GNG2: variants seen among roughly 807,000 people sequenced by gnomAD.
GNG2 encodes guanine nucleotide-binding protein G(I)/G(S)/G(O) subunit gamma-2.
A neutral mutation model predicts 5.5 loss-of-function variants in GNG2; 5 were observed. That is an observed-to-expected ratio of 0.91 (90% CI 0.48 to 1.92). The LOEUF (loss-of-function observed/expected upper bound fraction) is 1.92, where lower values mean the gene tolerates loss of function less well. GNG2 is among the 30% of genes most tolerant of loss of function. GNG2 has a pLI of 0.01. For missense variants in GNG2, 55 were observed against 88.4 expected (o/e 0.62, Z 1.52); for synonymous variants, 28 against 32.0 (o/e 0.88, Z 0.42).
At chr14:51,892,484 A>C (rs1389807325) in intron 2 of GNG2, among the ~76,000 whole-genome samples, 1 of 152,046 alleles carries the variant, frequency 6.6e-6, no homozygotes, top group Non-Finnish European at 1.5e-5. Flanking sequence ...AATTTTTTAT[A>C]GAGACGGTTT....
At chr14:51,863,704 TC>T (rs1000082809) in intron 1 of GNG2, among the ~76,000 whole-genome samples, 122 of 152,294 alleles carry the variant, frequency 8.0e-4, no homozygotes, top group African/African-American at 2.6e-3. Flanking sequence ...TTCTCTCAGC[TC>T]CTGGAAACCC....
intron 1 of GNG2, among the ~76,000 whole-genome samples, chr14:51,873,451 C>A (rs988016519): frequency 1.3e-5 from 2 of 152,204 alleles, no homozygotes; most frequent in Non-Finnish European, 2.9e-5. Context: ...TTGCCTACTG[C>A]AGGAGAGAGT....
At chr14:51,923,172 G>A (rs1185779003) in intron 2 of GNG2, among the ~76,000 whole-genome samples, 1 of 152,168 alleles carries the variant, frequency 6.6e-6, no homozygotes, top group African/African-American at 2.4e-5. Flanking sequence ...GTTGTGGACT[G>A]GCGAATTGCT....
At chr14:51,875,042 GTTAA>G (rs1883565590) in intron 1 of GNG2, among the ~76,000 whole-genome samples, 1 of 152,172 alleles carries the variant, frequency 6.6e-6, no homozygotes, top group Admixed American at 6.5e-5. Flanking sequence ...GGCTCCATCT[GTTAA>G]TTAAATTGTT....
intron 2 of GNG2, among the ~76,000 whole-genome samples, chr14:51,838,460 GT>G (rs1881401046): frequency 1.3e-5 from 2 of 151,878 alleles, no homozygotes; most frequent in Admixed American, 6.6e-5. Flanking sequence ...AAAAGGGGGG[GT>G]TATTAATCCC....
intron 2 of GNG2, among the ~76,000 whole-genome samples, chr14:51,852,282 C>G (rs1459498223): frequency 6.6e-6 from 1 of 152,174 alleles, no homozygotes; most frequent in African/African-American, 2.4e-5. Context: ...AGAAACTTGA[C>G]TTATCTTCCT....
chr14:51,863,386 T>A (rs1266467810), intron 1 of GNG2, among the ~76,000 whole-genome samples: 4 of 152,218 alleles, frequency 2.6e-5, no homozygotes, highest in Non-Finnish European at 5.9e-5. Context: ...TGCTTTTGTG[T>A]GCGGATAAGT....
chr14:51,898,105 T>C (rs1354833091), intron 2 of GNG2, among the ~76,000 whole-genome samples: 2 of 152,210 alleles, frequency 1.3e-5, no homozygotes, highest in African/African-American at 4.8e-5. Flanking sequence ...TGGTTACATA[T>C]GTTAGAGAAC....
chr14:51,888,091 A>G (rs976638831), intron 2 of GNG2, among the ~76,000 whole-genome samples: 1 of 152,178 alleles, frequency 6.6e-6, no homozygotes, highest in African/African-American at 2.4e-5. Context: ...CATCATCACC[A>G]ACAAGATAAT....
At chr14:51,933,041 T>C (rs781591685) in intron 2 of GNG2, among the ~76,000 whole-genome samples, 13 of 152,124 alleles carry the variant, frequency 8.5e-5, no homozygotes, top group Non-Finnish European at 1.6e-4. Context: ...CCAGTAGCCA[T>C]CAGAAGCTGG....
intron 3 of GNG2, among the ~76,000 whole-genome samples, chr14:51,961,885 A>C (rs1235945739): frequency 6.6e-6 from 1 of 152,226 alleles, no homozygotes; most frequent in Non-Finnish European, 1.5e-5. Flanking sequence ...CAATACCCAC[A>C]GGCTGTTTTA....
At chr14:51,910,140 A>C (rs1623101) in intron 2 of GNG2, among the ~76,000 whole-genome samples, 59,243 of 151,734 alleles carry the variant, frequency 0.39, 12,599 homozygotes, top group East Asian at 0.69. Context: ...ATATAATCAC[A>C]AATATAGATT....
chr14:51,932,833 T>C (rs2140247975), intron 2 of GNG2, among the ~76,000 whole-genome samples: 1 of 152,048 alleles, frequency 6.6e-6, no homozygotes, highest in Middle Eastern at 3.4e-3. Flanking sequence ...AAAAAGGATG[T>C]TTGCAGATGT....
intron 2 of GNG2, among the ~76,000 whole-genome samples, chr14:51,933,094 G>A (rs1305755589): frequency 6.6e-6 from 1 of 152,212 alleles, no homozygotes; most frequent in Non-Finnish European, 1.5e-5. Context: ...TCTGGCAGGA[G>A]CATGGCTCTG....
chr14:51,955,862 T>C (rs1393645318), intron 3 of GNG2, among the ~76,000 whole-genome samples: 1 of 152,186 alleles, frequency 6.6e-6, no homozygotes, highest in Non-Finnish European at 1.5e-5. Context: ...ATGTATAAAT[T>C]AGTGAGCCAA....
chr14:51,962,901 A>G (rs1253658), intron 3 of GNG2, among the ~76,000 whole-genome samples: 140,885 of 152,254 alleles, frequency 0.93, 65,678 homozygotes, highest in Non-Finnish European at 0.98. Context: ...AATGTTCATG[A>G]AGATTAAGTC....
At chr14:51,957,011 A>G (rs1253637) in intron 3 of GNG2, among the ~76,000 whole-genome samples, 140,828 of 148,194 alleles carry the variant, frequency 0.95, 66,912 homozygotes, top group Non-Finnish European at 0.98. Context: ...CACCTGCCCC[A>G]CCCCGCCACC....
intron 2 of GNG2, among the ~76,000 whole-genome samples, chr14:51,892,490 G>A (rs952668876): frequency 7.9e-5 from 12 of 151,872 alleles, no homozygotes; most frequent in Non-Finnish European, 1.8e-4. Context: ...TTATAGAGAC[G>A]GTTTTGCCAT....
chr14:51,828,467 G>GA (rs1485155518), intron 2 of GNG2, among the ~76,000 whole-genome samples: 1 of 151,890 alleles, frequency 6.6e-6, no homozygotes, highest in Non-Finnish European at 1.5e-5. Flanking sequence ...GGGGCAGGAG[G>GA]AAAAAAGGAG....
Sources: allele counts gnomAD v4.1 joint callset (sites outside exome capture counted in the v4.1 genomes callset), GRCh38; gene constraint gnomAD v4.1.1; transcripts MANE v1.5; gene names NCBI Gene and HGNC (gene_info 2026-07-23, HGNC 2026-07-21).